Variants in RBMS3 observed in about 807,000 individuals in gnomAD.
The protein encoded by RBMS3 is RNA-binding motif, single-stranded-interacting protein 3.
RBMS3 carries 27 observed loss-of-function variants against 66.8 expected under a neutral mutation model. The observed-to-expected ratio is 0.40, with a 90% CI of 0.30 to 0.56. The LOEUF is 0.56. Ranked by LOEUF, RBMS3 falls within the 20% of genes least tolerant of loss-of-function variation. The pLI is 0.40. For missense variants in RBMS3, 513 were observed against 549.5 expected (o/e 0.93, Z 0.66); for synonymous variants, 188 against 183.0 (o/e 1.03, Z -0.22).
intron 1 of RBMS3, 128 bp from the exon 2 acceptor site, chr3:29,434,615 A>ATG (rs1017464852): frequency 9.5e-6 from 12 of 1,266,030 alleles, no homozygotes; most frequent in Admixed American, 2.3e-5. Flanking sequence ...AGTGATATAA[A>ATG]TGTGTGTGTG....
chr3:29,411,115 A>G (rs1254189059), intron 1 of RBMS3, among the ~76,000 whole-genome samples: 1 of 152,218 alleles, frequency 6.6e-6, no homozygotes, highest in Non-Finnish European at 1.5e-5. Flanking sequence ...TGGCAACAAC[A>G]TAATCAGAAA....
intron 6 of RBMS3, among the ~76,000 whole-genome samples, chr3:29,789,704 C>T (rs772485799): frequency 3.9e-5 from 6 of 152,030 alleles, no homozygotes; most frequent in Non-Finnish European, 8.8e-5. Context: ...ATATTTCTGG[C>T]TTTTTTGCTT....
intron 1 of RBMS3, among the ~76,000 whole-genome samples, chr3:29,355,824 T>C (rs2037194137): frequency 6.6e-6 from 1 of 151,966 alleles, no homozygotes; most frequent in Non-Finnish European, 1.5e-5. Flanking sequence ...AAAGCACAAA[T>C]CTTATGTTTC....
At chr3:29,423,978 T>C (rs561683553) in intron 1 of RBMS3, among the ~76,000 whole-genome samples, 5 of 152,302 alleles carry the variant, frequency 3.3e-5, no homozygotes, top group African/African-American at 1.2e-4. Flanking sequence ...GAGATAATAA[T>C]AGTTCTTACC....
intron 6 of RBMS3, among the ~76,000 whole-genome samples, chr3:29,829,034 CTTTCTTTCTTTCTTTT>C (rs2058290346): frequency 4.4e-5 from 2 of 45,070 alleles, no homozygotes; most frequent in Non-Finnish European, 1.1e-4. Context: ...TTCTTTCTTT[CTTTCTTTCTTTCTTTT>C]GTTTTGTTTT....
intron 1 of RBMS3, among the ~76,000 whole-genome samples, chr3:29,334,076 T>C (rs2035814959): frequency 6.7e-6 from 1 of 148,774 alleles, no homozygotes; most frequent in Admixed American, 7.3e-5. Flanking sequence ...AGAGTTGATG[T>C]GAGAGTGAAA....
At chr3:29,881,586 A>G (rs2059738236) in intron 7 of RBMS3, among the ~76,000 whole-genome samples, 1 of 152,146 alleles carries the variant, frequency 6.6e-6, no homozygotes, top group African/African-American at 2.4e-5. Flanking sequence ...ACTGATGTCA[A>G]TTCCTTTCCA....
intron 4 of RBMS3, among the ~76,000 whole-genome samples, chr3:29,600,567 C>T (rs1450211452): frequency 3.9e-5 from 6 of 151,988 alleles, no homozygotes; most frequent in Non-Finnish European, 8.8e-5. Context: ...TGCAGCCTCA[C>T]GTATTTCTTT....
chr3:29,681,494 T>C (rs1026698827), intron 4 of RBMS3, among the ~76,000 whole-genome samples: 4 of 129,878 alleles, frequency 3.1e-5, no homozygotes, highest in African/African-American at 1.3e-4. Context: ...CCTTATGCTC[T>C]CCATCCCCCA....
intron 12 of RBMS3, among the ~76,000 whole-genome samples, chr3:29,953,586 G>C (rs182081265): frequency 6.6e-6 from 1 of 152,016 alleles, no homozygotes; most frequent in East Asian, 1.9e-4. Context: ...ACATGAGAGA[G>C]GGTAAATAGT....
chr3:29,817,039 C>G (rs531328781), intron 6 of RBMS3, among the ~76,000 whole-genome samples: 1 of 151,842 alleles, frequency 6.6e-6, no homozygotes, highest in Non-Finnish European at 1.5e-5. Flanking sequence ...TGCCGTGAGC[C>G]GAGATCGAAC....
intron 4 of RBMS3, among the ~76,000 whole-genome samples, chr3:29,726,662 C>T (rs928822516): frequency 2.6e-5 from 4 of 152,024 alleles, no homozygotes; most frequent in South Asian, 2.1e-4. Context: ...TGTGAAGGAC[C>T]TCTTCAAGGA....
At chr3:29,651,208 A>AT (rs2050133580) in intron 4 of RBMS3, among the ~76,000 whole-genome samples, 1 of 152,006 alleles carries the variant, frequency 6.6e-6, no homozygotes, top group South Asian at 2.1e-4. Flanking sequence ...GAGGTCTTGC[A>AT]TAGGACTCTA....
At chr3:29,708,660 C>A (rs1162913785) in intron 4 of RBMS3, among the ~76,000 whole-genome samples, 1 of 152,186 alleles carries the variant, frequency 6.6e-6, no homozygotes, top group African/African-American at 2.4e-5. Context: ...CTCCTTGGCA[C>A]TGAAGTGGGT....
chr3:29,316,622 C>T (rs1318295325), intron 1 of RBMS3, among the ~76,000 whole-genome samples: 1 of 151,354 alleles, frequency 6.6e-6, no homozygotes, highest in East Asian at 2.0e-4. Flanking sequence ...GTGGGTCTGT[C>T]CTGATTAAAT....
chr3:29,858,426 C>T (rs1348442175), intron 6 of RBMS3, among the ~76,000 whole-genome samples: 1 of 152,184 alleles, frequency 6.6e-6, no homozygotes, highest in Non-Finnish European at 1.5e-5. Context: ...ACAGTTCATC[C>T]TGGTCAATAA....
chr3:29,443,074 T>A (rs2125742376), intron 2 of RBMS3, among the ~76,000 whole-genome samples: 1 of 152,242 alleles, frequency 6.6e-6, no homozygotes, highest in African/African-American at 2.4e-5. Flanking sequence ...ACAATTCCAG[T>A]TTTGTAACCC....
At chr3:30,000,743 A>G (rs767709062) in intron 14 of RBMS3, among the ~76,000 whole-genome samples, 1 of 152,192 alleles carries the variant, frequency 6.6e-6, no homozygotes, top group Non-Finnish European at 1.5e-5. Flanking sequence ...TTGTAGGGAC[A>G]TGGATGAAAC....
intron 14 of RBMS3, among the ~76,000 whole-genome samples, chr3:29,996,174 C>A (rs1333780543): frequency 6.7e-6 from 1 of 148,956 alleles, no homozygotes; most frequent in Non-Finnish European, 1.5e-5. Context: ...ACAAAGAAGG[C>A]CATTACATAA....
Sources: gnomAD v4.1 joint callset for allele counts (sites outside exome capture counted in the v4.1 genomes callset) on GRCh38, gnomAD v4.1.1 for gene constraint, MANE v1.5 for transcripts, NCBI Gene and HGNC (gene_info 2026-07-23, HGNC 2026-07-21) for gene names.